HS6ST3: variants seen among roughly 807,000 people sequenced by gnomAD.
HS6ST3 encodes the protein heparan-sulfate 6-O-sulfotransferase 3.
HS6ST3 carries 12 observed loss-of-function variants against 36.7 expected under a neutral mutation model. The ratio of observed to expected loss-of-function variants is 0.33; its 90% CI spans 0.21 to 0.53. The LOEUF (loss-of-function observed/expected upper bound fraction) is 0.53, where lower values mean the gene tolerates loss of function less well. HS6ST3 is among the 20% of genes least tolerant of loss of function. HS6ST3 has a pLI of 0.95. For missense variants in HS6ST3, 584 were observed against 640.9 expected (o/e 0.91, Z 0.96); for synonymous variants, 240 against 257.5 (o/e 0.93, Z 0.65).
At chr13:96,774,614 T>G (rs1877344247) in intron 1 of HS6ST3, among the ~76,000 whole-genome samples, 1 of 151,992 alleles carries the variant, frequency 6.6e-6, no homozygotes, top group South Asian at 2.1e-4. Flanking sequence ...AAATCAAGCA[T>G]GAAGACAAGA....
At chr13:96,625,718 A>C (rs1308398773) in intron 1 of HS6ST3, among the ~76,000 whole-genome samples, 2 of 152,006 alleles carry the variant, frequency 1.3e-5, no homozygotes, top group Non-Finnish European at 2.9e-5. Flanking sequence ...TGTTCTTATT[A>C]AATATTTATA....
rs748869319 is a variant in HS6ST3 at position 96,439,575 on chromosome 13, C to T, written c.707+348006C>T. On this transcript the variant is annotated intron_variant, in intron 1 of 1. Transcript: ENST00000376705. The stretch of plus-strand genomic sequence containing the variant: ...GCTCTGGCACTTAGCAGCTGTGTGA[C>T]CATGGGCAAATTGCTCTTCCTACCT... 7.2e-4 allele frequency among the ~76,000 whole-genome samples: 110 copies of T among 152,246 alleles called. No individual in the cohort carries two copies. The Middle Eastern group carries it at 0.017, about 24-fold the overall frequency.
In HS6ST3 at chr13:96,173,716, T is replaced by C. The variant is rs72638057; in HGVS notation, c.707+82147T>C. 8.4e-3 allele frequency among the ~76,000 whole-genome samples: 1,249 copies of C among 148,752 alleles called. 22 individuals carry two copies. The highest frequency in any genetic ancestry group is 0.011 in the Middle Eastern group (3 of 280). ...AAATGGAGTCCAGAGGATAGTAATA[T>C]TTACTTAGTTCAAGAAAGAGAGATC... On this transcript the variant is annotated intron_variant, in intron 1 of 1. Transcript: ENST00000376705.
intron 1 of HS6ST3, among the ~76,000 whole-genome samples, chr13:96,103,570 T>A (rs992635472): frequency 6.6e-6 from 1 of 152,182 alleles, no homozygotes; most frequent in Admixed American, 6.5e-5. Flanking sequence ...TATCCTGTTT[T>A]TTTGGAGTTG....
At chr13:96,821,857 T>C (rs1878541121) in intron 1 of HS6ST3, among the ~76,000 whole-genome samples, 2 of 152,190 alleles carry the variant, frequency 1.3e-5, no homozygotes, top group South Asian at 4.1e-4. Flanking sequence ...ACAGAGGGGA[T>C]TAAAAAAATA....
chr13:96,817,095 C>T (rs555204050), intron 1 of HS6ST3, among the ~76,000 whole-genome samples: 16 of 152,310 alleles, frequency 1.1e-4, no homozygotes, highest in African/African-American at 3.8e-4. Context: ...ACCTCCAGAA[C>T]TAATGGCTGT....
chr13:96,747,481 TA>T (rs1177392212), intron 1 of HS6ST3, among the ~76,000 whole-genome samples: 3 of 152,152 alleles, frequency 2.0e-5, no homozygotes, highest in African/African-American at 7.2e-5. Context: ...AGAGATTGTG[TA>T]GAAAACTTGA....
chr13:96,576,316 T>A (rs893645994), intron 1 of HS6ST3, among the ~76,000 whole-genome samples: 2 of 146,466 alleles, frequency 1.4e-5, no homozygotes, highest in Non-Finnish European at 3.0e-5. Context: ...CTTGACAATG[T>A]AAATGAAGAT....
At chr13:96,551,243 C>G (rs751903999) in intron 1 of HS6ST3, among the ~76,000 whole-genome samples, 4 of 152,124 alleles carry the variant, frequency 2.6e-5, no homozygotes, top group Admixed American at 1.3e-4. Context: ...GACAGGCTCT[C>G]AAAGTGATCA....
chr13:96,695,820 C>G (rs1450154807), intron 1 of HS6ST3, among the ~76,000 whole-genome samples: 1 of 151,968 alleles, frequency 6.6e-6, no homozygotes, highest in East Asian at 1.9e-4. Flanking sequence ...TGATGTTCAA[C>G]CCAACATTAA....
chr13:96,376,349 C>T (rs958186066), intron 1 of HS6ST3, among the ~76,000 whole-genome samples: 3 of 152,120 alleles, frequency 2.0e-5, no homozygotes, highest in Non-Finnish European at 4.4e-5. Context: ...GTAGGAGACT[C>T]TTGGTAAATA....
At chr13:96,628,873 A>G (rs1468332178) in intron 1 of HS6ST3, among the ~76,000 whole-genome samples, 2 of 151,912 alleles carry the variant, frequency 1.3e-5, no homozygotes, top group Non-Finnish European at 2.9e-5. Flanking sequence ...ATATTTGCAT[A>G]TGTACGTACA....
chr13:96,735,184 A>T (rs527843292), intron 1 of HS6ST3, among the ~76,000 whole-genome samples: 68 of 152,278 alleles, frequency 4.5e-4, no homozygotes, highest in African/African-American at 1.5e-3. Context: ...GCACATTTTT[A>T]AAAAAGATTC....
At chr13:96,525,523 C>T (rs1199764582) in intron 1 of HS6ST3, among the ~76,000 whole-genome samples, 4 of 152,082 alleles carry the variant, frequency 2.6e-5, no homozygotes, top group African/African-American at 4.8e-5. Flanking sequence ...GAACTGTGGA[C>T]GTTTTCCTGA....
intron 1 of HS6ST3, among the ~76,000 whole-genome samples, chr13:96,592,211 C>T (rs1441384816): frequency 6.6e-6 from 1 of 151,818 alleles, no homozygotes. Flanking sequence ...ATGTCATAAC[C>T]CATTATTTTA....
chr13:96,137,780 C>T (rs80117759), intron 1 of HS6ST3, among the ~76,000 whole-genome samples: 606 of 152,250 alleles, frequency 4.0e-3, no homozygotes, highest in East Asian at 6.4e-3. Flanking sequence ...TGTTTCAGGC[C>T]GCCCAGGGAA....
intron 1 of HS6ST3, among the ~76,000 whole-genome samples, chr13:96,508,467 C>T (rs1336280637): frequency 6.6e-6 from 1 of 151,922 alleles, no homozygotes; most frequent in Non-Finnish European, 1.5e-5. Context: ...TTTAGGGCAC[C>T]CATCACCTGA....
chr13:96,804,049 G>T (rs927832053), intron 1 of HS6ST3, among the ~76,000 whole-genome samples: 1 of 151,942 alleles, frequency 6.6e-6, no homozygotes, highest in Non-Finnish European at 1.5e-5. Flanking sequence ...GGGATCTGGG[G>T]GTAGCATCTA....
intron 1 of HS6ST3, among the ~76,000 whole-genome samples, chr13:96,668,872 A>T (rs1169482152): frequency 6.6e-6 from 1 of 151,734 alleles, no homozygotes; most frequent in Admixed American, 6.6e-5. Flanking sequence ...TCTTGCTGAT[A>T]AGAAGAGAGC....
Sources: gnomAD v4.1 joint callset for allele counts (sites outside exome capture counted in the v4.1 genomes callset) on GRCh38, gnomAD v4.1.1 for gene constraint, MANE v1.5 for transcripts, NCBI Gene and HGNC (gene_info 2026-07-23, HGNC 2026-07-21) for gene names.